Variants in LIN28A observed in about 807,000 individuals in gnomAD.
LIN28A encodes the protein protein lin-28 homolog A.
In LIN28A, 11 loss-of-function variants were observed where a neutral mutation model predicts 21.1. The ratio of observed to expected loss-of-function variants is 0.52; its 90% confidence interval spans 0.33 to 0.86. LIN28A has a LOEUF of 0.86. LIN28A is among the 40% of genes least tolerant of loss of function. The pLI is 0.03. For synonymous variants in LIN28A, 111 were observed against 108.7 expected, an observed-to-expected ratio of 1.02 and a Z score of -0.13; for missense variants, 219 against 279.8, an observed-to-expected ratio of 0.78 and a Z score of 1.55.
chr1:26,420,061 G>A (rs574035017), intron 2 of LIN28A, among the ~76,000 whole-genome samples: 2 of 152,198 alleles, frequency 1.3e-5, no homozygotes, highest in South Asian at 2.1e-4. Context: ...AGATTCAAGC[G>A]ATCCTTCTAC....
chr1:26,426,448 C>G lies in LIN28A; in HGVS notation c.620C>G (p.Ala207Gly). 1 of 1,613,928 alleles carries G rather than the reference C, an allele frequency of 6.2e-7. No individual in the cohort carries two copies. Among genetic ancestry groups the G allele is most frequent in the Non-Finnish European group, 8.5e-7 (1 of 1,179,784 alleles). ...EIHSPTLLPE[A>G]QN ...CACAGCCCTACCCTGCTCCCGGAGGCACAGAATTGAGCCACAATGGGTGGG... is the reference window on the plus strand; with the variant it reads ...CACAGCCCTACCCTGCTCCCGGAGGGACAGAATTGAGCCACAATGGGTGGG... The change falls in exon 4 of 4, where the codon GCA becomes GGA. Residue 207 changes from alanine (A) to glycine (G), a missense_variant. Transcript: ENST00000326279.
rs1449155954 is a variant in LIN28A at position 26,411,447 on chromosome 1, G to A, written c.93G>A (p.Ala31=). 3.7e-6 allele frequency: 6 copies of A among 1,610,292 alleles called. No individual in the cohort carries two copies. Among genetic ancestry groups the A allele is most frequent in the Non-Finnish European group, 4.2e-6 (5 of 1,178,366 alleles). ...AGGCGCCGGAGGACGCGGCCCGGGC[G>A]GCGGACGAGCCTCAGCTGCTGCACG... ...PEEAPEDAAR[A]ADEPQLLHGA... The change falls in exon 2 of 4, where the codon GCG becomes GCA. Residue 31 remains alanine, a synonymous_variant. Transcript: ENST00000326279. The surrounding 1 kb of genome is among the most constrained non-coding windows in gnomAD (Gnocchi z 5.4).
At chr1:26,419,154 G>A (rs969781188) in intron 2 of LIN28A, among the ~76,000 whole-genome samples, 27 of 151,920 alleles carry the variant, frequency 1.8e-4, no homozygotes, top group African/African-American at 6.3e-4. Context: ...AATTTCAGGC[G>A]CTTTTCAGAT....
rs2075071329 is a variant in LIN28A at position 26,428,204 on chromosome 1, C to T, written c.*1746C>T. 6.6e-6 allele frequency: 1 copy of T among 152,656 alleles called. No individual in the cohort carries two copies. Among genetic ancestry groups the T allele is most frequent in the African/African-American group, 2.4e-5 (1 of 41,452 alleles). The allele number at this position is 152,656 out of a possible 1,614,324, so 9.5% of individuals were successfully genotyped here. The stretch of plus-strand genomic sequence containing the variant: ...TGTATTGAGAGAAAAATAGCCAAAG[C>T]ATCTTTGACAGAAGGTTCTGCACCA... On this transcript the variant is annotated 3_prime_UTR_variant, in exon 4 of 4. Coordinates refer to ENST00000326279, the MANE Select transcript of LIN28A (RefSeq NM_024674.6).
intron 2 of LIN28A, among the ~76,000 whole-genome samples, chr1:26,424,798 A>G (rs2075048923): frequency 6.6e-6 from 1 of 152,024 alleles, no homozygotes; most frequent in Admixed American, 6.6e-5. Flanking sequence ...CTGGAGTGCA[A>G]TAGTGTGATC....
intron 2 of LIN28A, among the ~76,000 whole-genome samples, chr1:26,423,529 C>A (rs2075040653): frequency 6.7e-6 from 1 of 149,214 alleles, no homozygotes; most frequent in Non-Finnish European, 1.5e-5. Flanking sequence ...CCTACCTCAG[C>A]CTCCCAAGTA....
At chr1:26,425,932 T>C (rs2124306266) in intron 3 of LIN28A, among the ~76,000 whole-genome samples, 1 of 152,338 alleles carries the variant, frequency 6.6e-6, no homozygotes. Context: ...ATTTCTCCTA[T>C]ATTAAGGGTA....
In LIN28A at chr1:26,411,127, G is replaced by C. The variant is rs545763902; in HGVS notation, c.31+205G>C. 2.2e-4 allele frequency among the ~76,000 whole-genome samples: 34 copies of C among 152,218 alleles called. No homozygotes were observed. Among genetic ancestry groups the C allele is most frequent in the Non-Finnish European group, 4.1e-4 (28 of 68,020 alleles). ...AGACTACGTGGGTGGATGGAGAGGA[G>C]AGGCTTGTCCCGCCGTGAGTCTCTG... On this transcript the variant is annotated intron_variant, in intron 1 of 3. Coordinates refer to ENST00000326279, the MANE Select transcript of LIN28A (RefSeq NM_024674.6). This position sits in a 1 kb window ranked among gnomAD's most constrained non-coding sequence, Gnocchi z 5.4.
intron 2 of LIN28A, among the ~76,000 whole-genome samples, chr1:26,420,720 C>T (rs909533348): frequency 2.6e-5 from 4 of 151,964 alleles, no homozygotes; most frequent in Non-Finnish European, 5.9e-5. Context: ...GCATAAAATA[C>T]GAATGCTACT....
intron 2 of LIN28A, among the ~76,000 whole-genome samples, chr1:26,420,526 C>T (rs1017958727): frequency 2.6e-5 from 4 of 151,146 alleles, no homozygotes; most frequent in African/African-American, 9.7e-5. Flanking sequence ...ATCGCTTAAA[C>T]CCAGGAGGCG....
intron 2 of LIN28A, among the ~76,000 whole-genome samples, chr1:26,417,528 C>T (rs1194315753): frequency 1.3e-5 from 2 of 152,174 alleles, no homozygotes; most frequent in African/African-American, 2.4e-5. Context: ...ATATATGTGA[C>T]TTGCATCATA....
chr1:26,425,897 C>G (rs1409154327), intron 3 of LIN28A, among the ~76,000 whole-genome samples: 1 of 152,208 alleles, frequency 6.6e-6, no homozygotes. Flanking sequence ...TAGCTCTGAA[C>G]AGATACTATA....
intron 2 of LIN28A, among the ~76,000 whole-genome samples, chr1:26,414,640 C>T (rs1447846864): frequency 6.6e-6 from 1 of 152,178 alleles, no homozygotes; most frequent in African/African-American, 2.4e-5. Context: ...ATCTGCCTGT[C>T]TCTAGAGTTA....
At chr1:26,422,858 T>A (rs946257510) in intron 2 of LIN28A, among the ~76,000 whole-genome samples, 2 of 152,312 alleles carry the variant, frequency 1.3e-5, no homozygotes, top group Non-Finnish European at 2.9e-5. Context: ...TGTTTTTGCA[T>A]TTTTTCCTTT....
intron 2 of LIN28A, 28 bp from the exon 3 acceptor site, chr1:26,425,275 T>G: frequency 6.2e-7 from 1 of 1,600,414 alleles, no homozygotes; most frequent in Non-Finnish European, 8.5e-7. Context: ...AAATTAATGT[T>G]AAAATTTACT....
intron 2 of LIN28A, among the ~76,000 whole-genome samples, chr1:26,422,322 T>A (rs567395545): frequency 6.6e-6 from 1 of 152,238 alleles, no homozygotes; most frequent in East Asian, 1.9e-4. Flanking sequence ...GGAATATCAA[T>A]CTTACATCGT....
chr1:26,411,548 C>T lies in LIN28A; in HGVS notation c.194C>T (p.Ala65Val), dbSNP rs759205887. ...TCCATGACCGCCCGCGCCGGGGTCG[C>T]GCTCGACCCCCCAGTGGATGTCTTT... Reference protein sequence around the residue: ...FLSMTARAGVALDPPVDVFVH... With the variant: ...FLSMTARAGVVLDPPVDVFVH... The change falls in exon 2 of 4, where the codon GCG becomes GTG. Residue 65 changes from alanine to valine, a missense_variant. By Grantham distance (64) the Ala-to-Val change is moderately conservative (BLOSUM62 0). This residue lies in a region of LIN28A where 124 missense variants were observed against 193.1 expected (regional missense o/e 0.64). Transcript: ENST00000326279. This position sits in a 1 kb window ranked among gnomAD's most constrained non-coding sequence, Gnocchi z 5.4. The T allele has an allele frequency of 1.2e-6, 2 of 1,613,838 alleles. No homozygotes were observed. The highest frequency in any genetic ancestry group is 1.7e-6 in the Non-Finnish European group (2 of 1,179,920).
intron 2 of LIN28A, 117 bp from the exon 3 acceptor site, chr1:26,425,186 C>A: frequency 2.1e-6 from 2 of 964,274 alleles, no homozygotes; most frequent in Non-Finnish European, 3.1e-6. Context: ...AGTTTCCTTA[C>A]CAGTAAAATA....
chr1:26,414,765 G>A (rs1039820612), intron 2 of LIN28A, among the ~76,000 whole-genome samples: 1 of 152,158 alleles, frequency 6.6e-6, no homozygotes, highest in Non-Finnish European at 1.5e-5. Flanking sequence ...AGGATGTACA[G>A]CAGTATTCCT....
Sources: allele counts gnomAD v4.1 joint callset (sites outside exome capture counted in the v4.1 genomes callset), GRCh38; gene constraint gnomAD v4.1.1; regional missense constraint gnomAD v4.1.1; non-coding constraint Gnocchi (gnomAD v3.1); transcripts MANE v1.5; gene names NCBI Gene and HGNC (gene_info 2026-07-23, HGNC 2026-07-21).